The following SOX5 variants were observed in gnomAD, a reference collection of about 807,000 sequenced individuals.
SOX5 encodes the protein transcription factor SOX-5.
A neutral mutation model predicts 92.0 loss-of-function variants in SOX5; 9 were observed. The observed-to-expected ratio is 0.10, with a 90% CI of 0.06 to 0.17. The LOEUF (loss-of-function observed/expected upper bound fraction) is 0.17, where lower values mean the gene tolerates loss of function less well. Ranked by LOEUF, SOX5 falls within the 10% of genes least tolerant of loss-of-function variation. The probability of loss-of-function intolerance (pLI) is 1.00; values close to 1 mark genes in which losing one functional copy is unlikely to be tolerated. For missense variants in SOX5, 642 were observed against 944.5 expected, an observed-to-expected ratio of 0.68 and a Z score of 4.20; for synonymous variants, 344 against 336.3, an observed-to-expected ratio of 1.02 and a Z score of -0.25.
chr12:24,166,185 A>C (rs1429650005), intron 4 of SOX5, among the ~76,000 whole-genome samples: 1 of 152,132 alleles, frequency 6.6e-6, no homozygotes. Context: ...CTTGAGTGCC[A>C]TTTGTAAGTA....
chr12:24,160,326 A>G (rs1157342697), intron 4 of SOX5, among the ~76,000 whole-genome samples: 1 of 152,050 alleles, frequency 6.6e-6, no homozygotes, highest in Non-Finnish European at 1.5e-5. Context: ...ATCAGTCATC[A>G]TATTTGCCGA....
Position 24,112,812 on chromosome 12 carries a change from T to C in SOX5, c.-2+100531A>G, listed in dbSNP as rs1162793850. 6.6e-5 allele frequency among the ~76,000 whole-genome samples: 10 copies of C among 151,864 alleles called. No individual in the cohort carries two copies. In the East Asian group the frequency reaches 1.7e-3, roughly 27 times the overall value. ...ACCTTGGCCTCCCAAAGTGCTGGGG[T>C]TCTAGGCATGAGCCACCATGACTGC... is the stretch of plus-strand genomic sequence containing the variant. On this transcript the variant is annotated intron_variant, in intron 4 of 4. Coordinates refer to the SOX5 transcript ENST00000446891.
chr12:24,402,158 T>C (rs1005345986), intron 1 of SOX5, among the ~76,000 whole-genome samples: 1 of 152,206 alleles, frequency 6.6e-6, no homozygotes, highest in Non-Finnish European at 1.5e-5. Flanking sequence ...TGCCCAATGT[T>C]AGTGGGAGTA....
intron 4 of SOX5, among the ~76,000 whole-genome samples, chr12:24,059,484 A>G (rs753980656): frequency 1.3e-5 from 2 of 152,136 alleles, no homozygotes; most frequent in Non-Finnish European, 2.9e-5. Context: ...AGAAAATTCT[A>G]TTCTCACCAT....
At chr12:23,774,267 A>T (rs1284619542) in intron 3 of SOX5, among the ~76,000 whole-genome samples, 2 of 152,190 alleles carry the variant, frequency 1.3e-5, no homozygotes, top group Admixed American at 1.3e-4. Context: ...AACCAAACTG[A>T]TGTTTTGATC....
intron 6 of SOX5, among the ~76,000 whole-genome samples, chr12:23,710,065 T>C (rs141707386): frequency 1.2e-3 from 190 of 152,182 alleles, no homozygotes; most frequent in African/African-American, 4.4e-3. Flanking sequence ...AAGTCACATA[T>C]TAGAAAAACA....
intron 6 of SOX5, among the ~76,000 whole-genome samples, chr12:23,688,135 T>C (rs1266541385): frequency 2.0e-5 from 3 of 152,060 alleles, no homozygotes. Flanking sequence ...ATGCCTTTTA[T>C]ATGGTCCCTT....
intron 1 of SOX5, among the ~76,000 whole-genome samples, chr12:24,372,650 T>C (rs947150636): frequency 3.9e-5 from 6 of 152,150 alleles, no homozygotes; most frequent in South Asian, 2.1e-4. Context: ...TACCCAGTAA[T>C]GGGATTGCTG....
chr12:23,830,544 A>G (rs2096299482), intron 3 of SOX5, among the ~76,000 whole-genome samples: 1 of 152,168 alleles, frequency 6.6e-6, no homozygotes, highest in African/African-American at 2.4e-5. Flanking sequence ...TCAAAAGGAC[A>G]GTGAGTAACT....
At chr12:23,748,541 T>C (rs1258517992) in intron 4 of SOX5, among the ~76,000 whole-genome samples, 1 of 152,012 alleles carries the variant, frequency 6.6e-6, no homozygotes, top group Admixed American at 6.6e-5. Context: ...TTGGGAACTA[T>C]TGTCCAAATA....
chr12:23,658,163 C>T (rs1399557937), intron 7 of SOX5, among the ~76,000 whole-genome samples: 1 of 152,044 alleles, frequency 6.6e-6, no homozygotes, highest in Non-Finnish European at 1.5e-5. Context: ...ACAGTATAAG[C>T]TATTATTTTT....
chr12:24,415,771 G>A (rs537651156), intron 1 of SOX5, among the ~76,000 whole-genome samples: 2 of 152,172 alleles, frequency 1.3e-5, no homozygotes, highest in East Asian at 1.9e-4. Context: ...AGCAATATCC[G>A]TAACGTACTT....
At chr12:23,609,301 T>C (rs2075669007) in intron 8 of SOX5, among the ~76,000 whole-genome samples, 1 of 152,182 alleles carries the variant, frequency 6.6e-6, no homozygotes, top group Admixed American at 6.6e-5. Context: ...TAATTGAATA[T>C]GTAGTAAGAG....
intron 4 of SOX5, among the ~76,000 whole-genome samples, chr12:23,960,222 A>G (rs1946735656): frequency 6.6e-6 from 1 of 152,068 alleles, no homozygotes; most frequent in South Asian, 2.1e-4. Flanking sequence ...ACAAGAAGAG[A>G]AAAAGTAAGC....
At chr12:23,753,089 T>A (rs1363501941) in intron 4 of SOX5, among the ~76,000 whole-genome samples, 1 of 151,850 alleles carries the variant, frequency 6.6e-6, no homozygotes, top group Non-Finnish European at 1.5e-5. Flanking sequence ...TAAGTGGGCA[T>A]GACAACCATT....
intron 4 of SOX5, among the ~76,000 whole-genome samples, chr12:23,978,581 T>C (rs944430032): frequency 6.6e-6 from 1 of 152,174 alleles, no homozygotes; most frequent in Non-Finnish European, 1.5e-5. Context: ...GTAGAAATAA[T>C]GTGAAATATT....
chr12:24,082,958 A>T (rs1375837536), intron 4 of SOX5, among the ~76,000 whole-genome samples: 1 of 152,010 alleles, frequency 6.6e-6, no homozygotes. Context: ...TAATGGCAAC[A>T]AACTTCTCAG....
intron 2 of SOX5, among the ~76,000 whole-genome samples, chr12:24,313,499 C>T (rs1949401508): frequency 6.6e-6 from 1 of 152,156 alleles, no homozygotes; most frequent in African/African-American, 2.4e-5. Context: ...CCCTGCACTC[C>T]AGCCAGGGCA....
intron 9 of SOX5, among the ~76,000 whole-genome samples, chr12:23,596,984 T>C (rs1218085359): frequency 6.6e-6 from 1 of 152,236 alleles, no homozygotes; most frequent in Non-Finnish European, 1.5e-5. Context: ...TTGATTACAA[T>C]GTTTCAAACA....
Sources: gnomAD v4.1 joint callset for allele counts (sites outside exome capture counted in the v4.1 genomes callset) on GRCh38, gnomAD v4.1.1 for gene constraint, MANE v1.5 for transcripts, NCBI Gene and HGNC (gene_info 2026-07-23, HGNC 2026-07-21) for gene names.